LTBP1: variants seen among roughly 807,000 people sequenced by gnomAD.
The protein encoded by LTBP1 is latent transforming growth factor beta binding protein 1.
LTBP1 carries 129 observed loss-of-function variants against 207.6 expected under a neutral mutation model. That is an observed-to-expected ratio of 0.62 (90% CI 0.54 to 0.72). The LOEUF is 0.72. Ranked by LOEUF, LTBP1 falls within the 30% of genes least tolerant of loss-of-function variation. LTBP1 has a pLI of 0.00. For missense variants in LTBP1, 2,281 were observed against 2,217.2 expected (o/e 1.03, Z -0.58); for synonymous variants, 963 against 833.7 (o/e 1.16, Z -2.67).
chr2:33,397,717 T>C (rs1368081102), intron 33 of LTBP1, among the ~76,000 whole-genome samples: 4 of 149,646 alleles, frequency 2.7e-5, no homozygotes, highest in Non-Finnish European at 4.4e-5. Context: ...AGAGACGGGA[T>C]TTCACCGTGT....
chr2:33,073,032 G>A (rs373353576), intron 3 of LTBP1, among the ~76,000 whole-genome samples: 1 of 152,226 alleles, frequency 6.6e-6, no homozygotes, highest in East Asian at 1.9e-4. Flanking sequence ...GCCGGGCAAC[G>A]TGACCACTGA....
At chr2:33,264,341 G>A (rs1000624414) in intron 15 of LTBP1, among the ~76,000 whole-genome samples, 3 of 151,750 alleles carry the variant, frequency 2.0e-5, no homozygotes, top group Non-Finnish European at 4.4e-5. Context: ...GAAAGAAAAT[G>A]CATCAGTGTT....
chr2:33,057,536 T>G (rs2077062676), intron 3 of LTBP1, among the ~76,000 whole-genome samples: 1 of 152,176 alleles, frequency 6.6e-6, no homozygotes, highest in South Asian at 2.1e-4. Context: ...TGGGGGAGAC[T>G]CAGGCATGGT....
rs2094253705 is a variant in LTBP1, at chr2:33,315,346, G to A, written c.3730+77G>A. 3 of 1,565,380 alleles carry A rather than the reference G, an allele frequency of 1.9e-6. No homozygotes were observed. The East Asian group carries it at 6.7e-5, about 35-fold the overall frequency. The stretch of plus-strand genomic sequence containing the variant: ...ATTGCTTTCACTTATACAAAGACTT[G>A]AAGACACTAAGAGGTACTGCATAAT... On this transcript the variant is annotated intron_variant, in intron 24 of 33. Coordinates refer to ENST00000404816, the MANE Select transcript of LTBP1 (RefSeq NM_206943.4).
intron 3 of LTBP1, among the ~76,000 whole-genome samples, chr2:33,082,133 A>G (rs2078446639): frequency 6.6e-6 from 1 of 152,142 alleles, no homozygotes; most frequent in African/African-American, 2.4e-5. Flanking sequence ...GAATGGATTA[A>G]TGACACTATT....
chr2:33,240,615 C>T (rs908070544), intron 9 of LTBP1, among the ~76,000 whole-genome samples: 2 of 144,974 alleles, frequency 1.4e-5, no homozygotes, highest in African/African-American at 5.1e-5. Context: ...GGAAGGGGCA[C>T]AAAGAACCTT....
chr2:33,151,585 C>T (rs2083523569), intron 5 of LTBP1, among the ~76,000 whole-genome samples: 1 of 152,038 alleles, frequency 6.6e-6, no homozygotes, highest in Non-Finnish European at 1.5e-5. Flanking sequence ...ATTCTGTACC[C>T]TATTTGTAGT....
Position 32,947,432 on chromosome 2 carries a change from C to G in LTBP1, c.108C>G (p.Pro36=). 6.9e-7 allele frequency: 1 copy of G among 1,440,972 alleles called. No homozygotes were observed. Among genetic ancestry groups the G allele is most frequent in the Non-Finnish European group, 9.1e-7 (1 of 1,099,718 alleles). 89.3% of individuals were successfully genotyped at this position (1,440,972 alleles called of 1,614,324 possible). ...RRITYVVHPG[P]GLAAGALPLS... ...TCACCTACGTGGTGCACCCGGGCCC[C>G]GGCCTGGCAGCCGGCGCCTTGCCCC... Residue 36 remains proline (P), a synonymous_variant, in exon 1 of 34, where the codon CCC becomes CCG. Coordinates refer to ENST00000404816, the MANE Select transcript of LTBP1 (RefSeq NM_206943.4).
chr2:32,949,117 A>T (rs1175957162), intron 2 of LTBP1, among the ~76,000 whole-genome samples, 172 bp downstream of exon 2: 1 of 152,214 alleles, frequency 6.6e-6, no homozygotes, highest in Non-Finnish European at 1.5e-5. Context: ...GGGTAATGTT[A>T]GTATCAATGC....
intron 31 of LTBP1, among the ~76,000 whole-genome samples, chr2:33,369,548 G>T (rs572494777): frequency 7.5e-5 from 11 of 147,256 alleles, no homozygotes; most frequent in African/African-American, 2.9e-4. Flanking sequence ...AATTAGGGAG[G>T]TAGCCCCAAA....
intron 15 of LTBP1, among the ~76,000 whole-genome samples, chr2:33,264,850 C>T (rs986171051): frequency 6.6e-6 from 1 of 152,128 alleles, no homozygotes; most frequent in Admixed American, 6.6e-5. Flanking sequence ...GAGGGATTGG[C>T]TCACACCATT....
intron 7 of LTBP1, among the ~76,000 whole-genome samples, chr2:33,199,684 T>C (rs2088985487): frequency 6.6e-6 from 1 of 152,176 alleles, no homozygotes; most frequent in Admixed American, 6.5e-5. Context: ...GAAGTCAAAT[T>C]GTCCCTGTTG....
intron 2 of LTBP1, among the ~76,000 whole-genome samples, chr2:33,010,033 G>A (rs1687458183): frequency 6.6e-6 from 1 of 152,144 alleles, no homozygotes; most frequent in African/African-American, 2.4e-5. Context: ...AGAGAAGGAG[G>A]AGACAGGAGA....
intron 15 of LTBP1, among the ~76,000 whole-genome samples, chr2:33,272,273 G>A (rs2093337196): frequency 6.6e-6 from 1 of 152,162 alleles, no homozygotes; most frequent in Admixed American, 6.5e-5. Flanking sequence ...AATAGACAGT[G>A]TGTTATTAGC....
chr2:33,029,227 A>G (rs753270316), intron 3 of LTBP1, among the ~76,000 whole-genome samples: 1 of 152,198 alleles, frequency 6.6e-6, no homozygotes, highest in Non-Finnish European at 1.5e-5. Context: ...CTGTCATCAC[A>G]GCACTTTGGG....
intron 9 of LTBP1, among the ~76,000 whole-genome samples, chr2:33,233,186 G>A (rs2091882411): frequency 6.6e-6 from 1 of 152,046 alleles, no homozygotes; most frequent in African/African-American, 2.4e-5. Context: ...GTTGGAGTGT[G>A]TTTTTCATGG....
chr2:33,239,094 G>A (rs190342744), intron 9 of LTBP1, among the ~76,000 whole-genome samples: 144 of 152,306 alleles, frequency 9.5e-4, no homozygotes, highest in African/African-American at 3.4e-3. Flanking sequence ...TAGAAGAAAA[G>A]CAGTTTTGTG....
At chr2:33,005,293 G>A (rs1686670817) in intron 2 of LTBP1, among the ~76,000 whole-genome samples, 1 of 152,178 alleles carries the variant, frequency 6.6e-6, no homozygotes, top group Non-Finnish European at 1.5e-5. Context: ...TTGACTGAGA[G>A]CAGAGGATTT....
intron 2 of LTBP1, among the ~76,000 whole-genome samples, chr2:32,957,618 A>C (rs1021912268): frequency 6.6e-6 from 1 of 152,228 alleles, no homozygotes; most frequent in Admixed American, 6.5e-5. Context: ...ACTGTAACAG[A>C]CACATTAATA....
Sources: gnomAD v4.1 joint callset for allele counts (sites outside exome capture counted in the v4.1 genomes callset) on GRCh38, gnomAD v4.1.1 for gene constraint, MANE v1.5 for transcripts, NCBI Gene and HGNC (gene_info 2026-07-23, HGNC 2026-07-21) for gene names.